The following MCU variants were observed in gnomAD, a reference collection of about 807,000 sequenced individuals.
The protein encoded by MCU is calcium uniporter protein, mitochondrial.
Under a neutral mutation model 45.2 loss-of-function variants are expected in MCU, and 12 were observed. The observed-to-expected ratio is 0.27, with a 90% CI of 0.17 to 0.43. MCU has a LOEUF of 0.43. MCU is among the 20% of genes least tolerant of loss of function. The probability of loss-of-function intolerance (pLI) is 1.00; values close to 1 mark genes in which losing one functional copy is unlikely to be tolerated. For missense variants in MCU, 324 were observed against 436.7 expected (o/e 0.74, Z 2.30); for synonymous variants, 160 against 165.1 (o/e 0.97, Z 0.24).
At chr10:72,792,276 A>G (rs529961131) in intron 1 of MCU, among the ~76,000 whole-genome samples, 1 of 152,176 alleles carries the variant, frequency 6.6e-6, no homozygotes, top group Non-Finnish European at 1.5e-5. Flanking sequence ...ATGTCAATGC[A>G]TGGAGGTTAC....
At chr10:72,726,139 A>T (rs1843096459) in intron 1 of MCU, among the ~76,000 whole-genome samples, 1 of 151,804 alleles carries the variant, frequency 6.6e-6, no homozygotes, top group African/African-American at 2.4e-5. Flanking sequence ...GGCTCAAAGG[A>T]TCCTCCCACC....
At position 72,753,017 on chromosome 10, in the gene MCU, A is replaced by G. The variant is rs116323514; in HGVS notation, c.150+60716A>G. 3.2e-3 allele frequency among the ~76,000 whole-genome samples: 484 copies of G among 152,278 alleles called. 3 individuals carry two copies. The highest frequency in any genetic ancestry group is 0.011 in the African/African-American group (457 of 41,544). ...GTGGATATAAAACACCATCTTTTCT[A>G]TTGAGAGGCCCTAATTTAAAGCAAG... On this transcript the variant is annotated intron_variant, in intron 1 of 7. Coordinates refer to ENST00000373053, the MANE Select transcript of MCU (RefSeq NM_138357.3).
intron 1 of MCU, among the ~76,000 whole-genome samples, chr10:72,708,004 G>A (rs187003183): frequency 5.3e-5 from 8 of 152,124 alleles, no homozygotes; most frequent in Admixed American, 5.2e-4. Flanking sequence ...TATAAAACAT[G>A]TTGTATTTTT....
At chr10:72,754,823 C>T (rs1843551178) in intron 1 of MCU, among the ~76,000 whole-genome samples, 1 of 150,540 alleles carries the variant, frequency 6.6e-6, no homozygotes, top group African/African-American at 2.5e-5. Flanking sequence ...CTAGACACTG[C>T]CTCAAAAACA....
intron 1 of MCU, among the ~76,000 whole-genome samples, chr10:72,775,251 A>G (rs759633472): frequency 1.3e-5 from 2 of 152,144 alleles, no homozygotes; most frequent in Non-Finnish European, 2.9e-5. Context: ...ACCCTGGAAA[A>G]TACACAAACA....
At chr10:72,863,562 AC>A (rs1845410905) in intron 4 of MCU, among the ~76,000 whole-genome samples, 1 of 152,228 alleles carries the variant, frequency 6.6e-6, no homozygotes, top group Non-Finnish European at 1.5e-5. Flanking sequence ...ATATCCAAAA[AC>A]ATTAAGAAAA....
At chr10:72,724,461 T>A (rs1843069831) in intron 1 of MCU, among the ~76,000 whole-genome samples, 1 of 152,212 alleles carries the variant, frequency 6.6e-6, no homozygotes, top group Non-Finnish European at 1.5e-5. Context: ...TCTTTGTATA[T>A]TAGGGAAACT....
chr10:72,696,185 A>AATT (rs1564531189), intron 1 of MCU, among the ~76,000 whole-genome samples: 3 of 109,988 alleles, frequency 2.7e-5, no homozygotes, highest in African/African-American at 7.1e-5. Context: ...AAAAAAAAAA[A>AATT]TTTTTTTTTT....
intron 1 of MCU, among the ~76,000 whole-genome samples, chr10:72,812,740 T>C (rs1476338407): frequency 6.9e-6 from 1 of 144,234 alleles, no homozygotes; most frequent in African/African-American, 2.6e-5. Context: ...TGCAAAGCAA[T>C]GTAAAGAGGA....
intron 1 of MCU, among the ~76,000 whole-genome samples, chr10:72,739,879 G>A (rs951194802): frequency 1.3e-5 from 2 of 151,712 alleles, no homozygotes; most frequent in African/African-American, 4.8e-5. Flanking sequence ...GTTTCACCCT[G>A]TTTGCCAGCT....
intron 6 of MCU, among the ~76,000 whole-genome samples, chr10:72,876,815 C>T (rs1261439743): frequency 1.3e-5 from 2 of 152,100 alleles, no homozygotes; most frequent in Non-Finnish European, 2.9e-5. Context: ...GTATCTTATT[C>T]CAGTTTCTTT....
At chr10:72,845,034 G>T (rs879546479) in intron 2 of MCU, among the ~76,000 whole-genome samples, 3 of 152,070 alleles carry the variant, frequency 2.0e-5, no homozygotes, top group Non-Finnish European at 4.4e-5. Context: ...GGGGCATGTG[G>T]TACCTAAGCA....
intron 6 of MCU, among the ~76,000 whole-genome samples, chr10:72,872,981 T>A (rs1286102227): frequency 1.3e-5 from 2 of 151,544 alleles, no homozygotes; most frequent in Admixed American, 1.3e-4. Context: ...TGGGTTTTTT[T>A]ATTTGTTTGT....
rs181922692 is a variant in MCU, at chr10:72,861,821, A to C, written c.496+1294A>C. ...AAGATAAATAGTATTTTTATGTACT[A>C]TTTTAAAAAACCAGAGTTAATGCAA... On this transcript the variant is annotated intron_variant, in intron 4 of 7. Coordinates refer to ENST00000373053, the MANE Select transcript of MCU (RefSeq NM_138357.3). The C allele has an allele frequency of 2.1e-4, 62 of 296,998 alleles. 1 individual carries two copies. Among genetic ancestry groups the C allele is most frequent in the African/African-American group, 1.3e-3 (57 of 43,316 alleles). The allele number at this position is 296,998 out of a possible 1,614,324, so 18.4% of individuals were successfully genotyped here. A position where few individuals can be genotyped will look rare whatever the true frequency, so the allele number is the denominator to read the frequency against.
In MCU at chr10:72,848,646, C is replaced by T. The variant is rs572146560; in HGVS notation, c.221-10531C>T. Among the ~76,000 whole-genome samples, 3 of 152,244 alleles carry T rather than the reference C, an allele frequency of 2.0e-5. No homozygotes were observed. In the South Asian group the frequency reaches 6.2e-4, roughly 32 times the overall value. ...GGAGACATTCAAACCATAGCAAATA[C>T]TTACAGGCAAGAATTATAGAGAGCC... On this transcript the variant is annotated intron_variant, in intron 2 of 7. Transcript: ENST00000373053.
chr10:72,871,332 ATTGGTT>A (rs1845539722), intron 5 of MCU, 39 bp from the exon 6 acceptor site: 4 of 1,578,974 alleles, frequency 2.5e-6, no homozygotes, highest in Non-Finnish European at 3.5e-6. Flanking sequence ...GCCTTTTTAG[ATTGGTT>A]TTATGTCAAA....
At chr10:72,790,214 G>A (rs750771196) in intron 1 of MCU, among the ~76,000 whole-genome samples, 29 of 152,164 alleles carry the variant, frequency 1.9e-4, no homozygotes, top group Admixed American at 8.5e-4. Flanking sequence ...TCTAGGTCTA[G>A]TATCTGTTTT....
At chr10:72,746,374 A>T (rs1429261620) in intron 1 of MCU, among the ~76,000 whole-genome samples, 1 of 152,240 alleles carries the variant, frequency 6.6e-6, no homozygotes, top group Admixed American at 6.5e-5. Context: ...GTTGTAAAAA[A>T]CAAAGATTTT....
chr10:72,711,221 CTTTTTTT>C (rs78511090), intron 1 of MCU, among the ~76,000 whole-genome samples: 1 of 130,102 alleles, frequency 7.7e-6, no homozygotes, highest in African/African-American at 2.8e-5. Flanking sequence ...TTCTGCAAAT[CTTTTTTT>C]TTTTTTTTTT....
Sources: allele counts gnomAD v4.1 joint callset (sites outside exome capture counted in the v4.1 genomes callset), GRCh38; gene constraint gnomAD v4.1.1; transcripts MANE v1.5; gene names NCBI Gene and HGNC (gene_info 2026-07-23, HGNC 2026-07-21).